The following METTL14 variants were observed in gnomAD, a reference collection of about 807,000 sequenced individuals.
METTL14 encodes methyltransferase 14, N6-adenosine-methyltransferase non-catalytic subunit.
A neutral mutation model predicts 62.4 loss-of-function variants in METTL14; 32 were observed. The ratio of observed to expected loss-of-function variants is 0.51; its 90% CI spans 0.39 to 0.69. The LOEUF is 0.69. METTL14 is among the 30% of genes least tolerant of loss of function. METTL14 has a pLI of 0.00. For synonymous variants in METTL14, 150 were observed against 180.0 expected (o/e 0.83, Z 1.34); for missense variants, 340 against 551.9 (o/e 0.62, Z 3.85).
At chr4:118,689,683 G>A (rs1184660187) in intron 3 of METTL14, among the ~76,000 whole-genome samples, 5 of 144,272 alleles carry the variant, frequency 3.5e-5, no homozygotes, top group East Asian at 2.0e-4. Context: ...TCGCTCTGTC[G>A]CCAGGCTGGA....
Position 118,710,988 on chromosome 4 carries a change from A to G in METTL14, c.*686A>G, listed in dbSNP as rs1408910465. On this transcript the variant is annotated 3_prime_UTR_variant, in exon 11 of 11. Transcript: ENST00000388822. Reference sequence around the variant, plus strand: ...GCTATGACTCCTAATCACGCTTCCTAAGAAGCAAAGGAGGACAAATATTCA... The same window carrying G: ...GCTATGACTCCTAATCACGCTTCCTGAGAAGCAAAGGAGGACAAATATTCA... 1 of 152,066 alleles carries G rather than the reference A, an allele frequency of 6.6e-6. No individual in the cohort carries two copies. The highest frequency in any genetic ancestry group is 1.5e-5 in the Non-Finnish European group (1 of 68,016). The allele number at this position is 152,066 out of a possible 1,614,324, so 9.4% of individuals were successfully genotyped here.
At chr4:118,701,055 A>G (rs1579073151) in intron 8 of METTL14, among the ~76,000 whole-genome samples, 2 of 152,316 alleles carry the variant, frequency 1.3e-5, no homozygotes, top group South Asian at 4.1e-4. Context: ...TTGGAAAAGT[A>G]ACACAGCATA....
rs1395582078 is a variant in METTL14 at position 118,711,090 on chromosome 4, C to G, written c.*788C>G. 1 of 152,138 alleles carries G rather than the reference C, an allele frequency of 6.6e-6. No individual in the cohort carries two copies. Among genetic ancestry groups the G allele is most frequent in the Non-Finnish European group, 1.5e-5 (1 of 68,048 alleles). 9.4% of individuals were successfully genotyped at this position (152,138 alleles called of 1,614,324 possible). ...TTATATTCCTCAAATAAAAGAGAGG[C>G]AGCGACAAGATACCTCATTATCAGA... On this transcript the variant is annotated 3_prime_UTR_variant, in exon 11 of 11. Transcript: ENST00000388822.
intron 1 of METTL14, among the ~76,000 whole-genome samples, chr4:118,686,221 C>T (rs298980): frequency 0.26 from 38,981 of 152,116 alleles, 6,357 homozygotes; most frequent in East Asian, 0.51. Context: ...GAATTTTACT[C>T]CTGGTCGCTC....
At chr4:118,693,642 G>A (rs1374960589) in intron 5 of METTL14, among the ~76,000 whole-genome samples, 2 of 152,092 alleles carry the variant, frequency 1.3e-5, no homozygotes, top group Non-Finnish European at 2.9e-5. Flanking sequence ...TGGTTAAATT[G>A]TATAACCAGA....
At chr4:118,701,173 G>GTTTTTTTTTTTTTTTTTTTTTTT (rs370557403) in intron 8 of METTL14, among the ~76,000 whole-genome samples, 1 of 114,110 alleles carries the variant, frequency 8.8e-6, no homozygotes, top group African/African-American at 2.9e-5. Flanking sequence ...TTTTATTGGA[G>GTTTTTTTTTTTTTTTTTTTTTTT]TTTTTTTTTG....
At position 118,711,574 on chromosome 4, in the gene METTL14, C is replaced by G. The variant is rs1019781079; in HGVS notation, c.*1272C>G. On this transcript the variant is annotated 3_prime_UTR_variant, in exon 11 of 11. Transcript: ENST00000388822. ...AATGGCCGTTCTGTGCTCATATATA[C>G]CTAAGATGAGATTATATTACATCCA... The G allele has an allele frequency of 1.3e-5, 2 of 152,018 alleles. No individual in the cohort carries two copies. Among genetic ancestry groups the G allele is most frequent in the Non-Finnish European group, 2.9e-5 (2 of 68,014 alleles). 9.4% of individuals were successfully genotyped at this position (152,018 alleles called of 1,614,324 possible).
chr4:118,687,823 T>C, intron 1 of METTL14, 100 bp from the exon 2 acceptor site: 1 of 818,558 alleles, frequency 1.2e-6, no homozygotes, highest in South Asian at 1.6e-5. Context: ...ATTAAGGTGT[T>C]TTTGTTTTTT....
chr4:118,686,911 T>G (rs991850229), intron 1 of METTL14, among the ~76,000 whole-genome samples: 2 of 152,238 alleles, frequency 1.3e-5, no homozygotes, highest in African/African-American at 4.8e-5. Flanking sequence ...TTACATTTGT[T>G]TGTATTTTGC....
chr4:118,702,353 C>T (rs1449859792), intron 8 of METTL14, among the ~76,000 whole-genome samples: 1 of 152,062 alleles, frequency 6.6e-6, no homozygotes, highest in Admixed American at 6.6e-5. Context: ...ATGAGAAATA[C>T]TCATGAGATT....
chr4:118,688,157 C>T, intron 2 of METTL14, 146 bp downstream of exon 2: 1 of 643,690 alleles, frequency 1.6e-6, no homozygotes, highest in South Asian at 2.0e-5. Context: ...GCCTTGGCCT[C>T]CCAAAGTGCT....
Position 118,713,754 on chromosome 4 carries a change from A to G in METTL14, c.*3452A>G, listed in dbSNP as rs1477056658. ...TATATAGTTAGTTTTGAGGCCATAA[A>G]TCTAGGACTTCTCAAAAGATTAGAA... On this transcript the variant is annotated 3_prime_UTR_variant, in exon 11 of 11. Transcript: ENST00000388822. The G allele has an allele frequency of 6.6e-6, 1 of 152,156 alleles. No homozygotes were observed. The highest frequency in any genetic ancestry group is 1.5e-5 in the Non-Finnish European group (1 of 68,026). 9.4% of individuals were successfully genotyped at this position (152,156 alleles called of 1,614,324 possible).
chr4:118,714,267 G>A lies in METTL14; in HGVS notation c.*3965G>A, dbSNP rs2110414716. ...TCTGTGCTTTTTCTCACTTTGATGA[G>A]TTCTCTCAACTCCTTTCTAAGAAAA... On this transcript the variant is annotated 3_prime_UTR_variant, in exon 11 of 11. Transcript: ENST00000388822. 6.6e-6 allele frequency: 1 copy of A among 152,262 alleles called. No individual in the cohort carries two copies. Among genetic ancestry groups the A allele is most frequent in the East Asian group, 1.9e-4 (1 of 5,176 alleles). The allele number at this position is 152,262 out of a possible 1,614,324, so 9.4% of individuals were successfully genotyped here.
rs952162376 is a variant in METTL14 at position 118,710,291 on chromosome 4, C to T, written c.1360C>T (p.Pro454Ser). ...TGGAGGAGCACACAGAGGTGGCTTT[C>T]CACCTCGATAATTGTTGAAGACATT... ...GRGGAHRGGF[P>S]PR The change falls in exon 11 of 11, where the codon CCA becomes TCA. Residue 454 changes from proline (P) to serine (S), a missense_variant. Pro to Ser is a moderately conservative substitution (Grantham distance 74). Around this residue, in one of 7 missense-constraint regions of METTL14, gnomAD observed 44 missense variants for 56.4 expected, o/e 0.78. Coordinates refer to ENST00000388822, the MANE Select transcript of METTL14 (RefSeq NM_020961.4). 1 of 1,611,568 alleles carries T rather than the reference C, an allele frequency of 6.2e-7. No individual in the cohort carries two copies.
At chr4:118,689,576 T>G (rs928039286) in intron 3 of METTL14, 119 bp downstream of exon 3, 4 of 554,818 alleles carry the variant, frequency 7.2e-6, no homozygotes, top group Middle Eastern at 9.9e-4. Flanking sequence ...AAAATAATTG[T>G]CAGTGGCATA....
chr4:118,694,093 A>T (rs1433698127), intron 5 of METTL14, among the ~76,000 whole-genome samples: 4 of 147,348 alleles, frequency 2.7e-5, no homozygotes, highest in Non-Finnish European at 4.5e-5. Flanking sequence ...AGCTAAGAGG[A>T]AGGGGGAAAA....
chr4:118,685,655 G>A (rs1328864010), intron 1 of METTL14, 55 bp downstream of exon 1: 3 of 1,488,872 alleles, frequency 2.0e-6, no homozygotes, highest in African/African-American at 1.4e-5. Context: ...GTGCGCGGCC[G>A]CCTCCTCCCT....
chr4:118,704,764 A>C (rs1000779691), intron 9 of METTL14, among the ~76,000 whole-genome samples: 1 of 152,144 alleles, frequency 6.6e-6, no homozygotes, highest in Non-Finnish European at 1.5e-5. Flanking sequence ...TTTTATAATA[A>C]ATAGGTCATA....
At chr4:118,702,609 C>T (rs1175483466) in intron 8 of METTL14, among the ~76,000 whole-genome samples, 1 of 151,936 alleles carries the variant, frequency 6.6e-6, no homozygotes, top group Admixed American at 6.6e-5. Flanking sequence ...AACCCCATCT[C>T]TACTAAAAAT....
Sources: allele counts gnomAD v4.1 joint callset (sites outside exome capture counted in the v4.1 genomes callset), GRCh38; gene constraint gnomAD v4.1.1; regional missense constraint gnomAD v4.1.1; transcripts MANE v1.5; gene names NCBI Gene and HGNC (gene_info 2026-07-23, HGNC 2026-07-21).